NELL1: variants seen among roughly 807,000 people sequenced by gnomAD.
The protein encoded by NELL1 is protein kinase C-binding protein NELL1.
NELL1 carries 76 observed loss-of-function variants against 107.4 expected under a neutral mutation model. That is an observed-to-expected ratio of 0.71 (90% CI 0.59 to 0.86). NELL1 has a LOEUF of 0.86. NELL1 is among the 40% of genes least tolerant of loss of function. The probability of loss-of-function intolerance (pLI) is 0.00; values close to 1 mark genes in which losing one functional copy is unlikely to be tolerated. For synonymous variants in NELL1, 353 were observed against 341.2 expected, an observed-to-expected ratio of 1.03 and a Z score of -0.38; for missense variants, 1,024 against 1,005.5, an observed-to-expected ratio of 1.02 and a Z score of -0.25.
intron 5 of NELL1, among the ~76,000 whole-genome samples, chr11:20,894,870 A>G (rs1329075089): frequency 2.0e-5 from 3 of 152,202 alleles, no homozygotes; most frequent in Admixed American, 6.5e-5. Flanking sequence ...ATGTTGTTAT[A>G]TGTATATAAC....
intron 4 of NELL1, among the ~76,000 whole-genome samples, chr11:20,854,404 C>T (rs189458360): frequency 6.6e-6 from 1 of 152,276 alleles, no homozygotes; most frequent in Non-Finnish European, 1.5e-5. Flanking sequence ...TTGCATTCCC[C>T]TCCCCCTTTA....
At chr11:20,761,063 G>C (rs1856409226) in intron 2 of NELL1, among the ~76,000 whole-genome samples, 1 of 152,190 alleles carries the variant, frequency 6.6e-6, no homozygotes, top group Non-Finnish European at 1.5e-5. Flanking sequence ...GACTCATCTT[G>C]CTGTCCAAAC....
chr11:21,561,778 A>G (rs1403961697), intron 17 of NELL1, among the ~76,000 whole-genome samples: 1 of 152,046 alleles, frequency 6.6e-6, no homozygotes, highest in Non-Finnish European at 1.5e-5. Flanking sequence ...ACTTCCTTGT[A>G]TGTAAGTGAC....
At chr11:21,153,225 A>G (rs1856157477) in intron 13 of NELL1, among the ~76,000 whole-genome samples, 1 of 152,144 alleles carries the variant, frequency 6.6e-6, no homozygotes, top group African/African-American at 2.4e-5. Context: ...CAGATGGACC[A>G]TTCATTAAGC....
At chr11:21,131,330 T>C (rs1431925442) in intron 13 of NELL1, among the ~76,000 whole-genome samples, 1 of 152,206 alleles carries the variant, frequency 6.6e-6, no homozygotes, top group Non-Finnish European at 1.5e-5. Flanking sequence ...ATCATTTGTG[T>C]CAGCATTCAC....
intron 12 of NELL1, among the ~76,000 whole-genome samples, chr11:21,007,664 A>G (rs1250065101): frequency 6.6e-6 from 1 of 151,940 alleles, no homozygotes; most frequent in Non-Finnish European, 1.5e-5. Context: ...TTTGTGTAGG[A>G]GGGACACCTG....
At chr11:20,956,076 C>T (rs975150202) in intron 11 of NELL1, among the ~76,000 whole-genome samples, 4 of 151,768 alleles carry the variant, frequency 2.6e-5, no homozygotes, top group African/African-American at 7.3e-5. Context: ...AAAATTAGCC[C>T]GGCATGGTGG....
Position 21,285,375 on chromosome 11 carries a change from C to T in NELL1, c.1549+55921C>T, listed in dbSNP as rs1849093753. Among the ~76,000 whole-genome samples, 3 of 152,182 alleles carry T rather than the reference C, an allele frequency of 2.0e-5. No individual in the cohort carries two copies. In the South Asian group the frequency reaches 6.2e-4, roughly 32 times the overall value. On this transcript the variant is annotated intron_variant, in intron 14 of 19. Transcript: ENST00000357134. ...ACCAGCCTGCAGAGAAGCCTGGCTT[C>T]TCTCTAGAGGTCGTTAATGAGTTAA...
intron 12 of NELL1, among the ~76,000 whole-genome samples, chr11:20,978,642 A>G (rs1337782348): frequency 2.6e-5 from 4 of 152,154 alleles, no homozygotes; most frequent in Non-Finnish European, 5.9e-5. Context: ...TGCTTCCACA[A>G]TCCCCTTCCA....
At chr11:21,087,683 G>C (rs1181161843) in intron 12 of NELL1, among the ~76,000 whole-genome samples, 1 of 152,124 alleles carries the variant, frequency 6.6e-6, no homozygotes, top group Non-Finnish European at 1.5e-5. Flanking sequence ...TTGAGTCCAG[G>C]CGAATTGTTT....
At chr11:20,760,004 G>T (rs1420126783) in intron 2 of NELL1, among the ~76,000 whole-genome samples, 1 of 152,182 alleles carries the variant, frequency 6.6e-6, no homozygotes, top group Non-Finnish European at 1.5e-5. Context: ...GCCTGGGGAG[G>T]AGAGAGAGAT....
In NELL1 at chr11:21,170,849, G is replaced by T. The variant is rs539209807; in HGVS notation, c.1426+57135G>T. On this transcript the variant is annotated intron_variant, in intron 13 of 19. Transcript: ENST00000357134. Reference sequence around the variant, plus strand: ...TTCTTGGCTTGCTATAATCCTTCTTGATTTATGTTCTATTAACTTACCCTT... The same window carrying T: ...TTCTTGGCTTGCTATAATCCTTCTTTATTTATGTTCTATTAACTTACCCTT... 1.1e-3 allele frequency among the ~76,000 whole-genome samples: 173 copies of T among 151,394 alleles called. 1 individual carries two copies. Among genetic ancestry groups the T allele is most frequent in the Middle Eastern group, 6.8e-3 (2 of 294 alleles).
intron 14 of NELL1, among the ~76,000 whole-genome samples, chr11:21,364,714 C>G (rs1437598409): frequency 6.6e-6 from 1 of 152,092 alleles, no homozygotes; most frequent in Non-Finnish European, 1.5e-5. Context: ...TAGTCTTAAA[C>G]TGACTAACTC....
Position 20,862,812 on chromosome 11 carries a change from G to C in NELL1, c.506+15059G>C, listed in dbSNP as rs567742224. ...TTAGGGAGTGGCGATGACTCTCAAC[G>C]AGCATGCTGCCTTCAAGCATCTGTT... On this transcript the variant is annotated intron_variant, in intron 4 of 19. Transcript: ENST00000357134. 3.9e-5 allele frequency among the ~76,000 whole-genome samples: 6 copies of C among 152,062 alleles called. No homozygotes were observed. In the East Asian group the frequency reaches 7.8e-4, roughly 20 times the overall value.
chr11:21,151,590 A>G (rs558601222), intron 13 of NELL1, among the ~76,000 whole-genome samples: 1 of 152,284 alleles, frequency 6.6e-6, no homozygotes, highest in Admixed American at 6.5e-5. Flanking sequence ...CCACATCTGA[A>G]ATTTGGAATG....
At chr11:21,412,948 T>G (rs1459460603) in intron 15 of NELL1, among the ~76,000 whole-genome samples, 1 of 152,068 alleles carries the variant, frequency 6.6e-6, no homozygotes, top group Non-Finnish European at 1.5e-5. Flanking sequence ...AGTTCTGCAG[T>G]CATCCTGGGA....
chr11:21,078,088 G>T (rs533514269), intron 12 of NELL1, among the ~76,000 whole-genome samples: 3 of 151,646 alleles, frequency 2.0e-5, no homozygotes, highest in African/African-American at 4.8e-5. Context: ...TTTTTTCAAG[G>T]ATACAAAATT....
At chr11:20,756,291 T>C (rs1479697286) in intron 2 of NELL1, among the ~76,000 whole-genome samples, 1 of 152,128 alleles carries the variant, frequency 6.6e-6, no homozygotes, top group Non-Finnish European at 1.5e-5. Context: ...GAGATGATAG[T>C]TGCACTAGAG....
intron 15 of NELL1, among the ~76,000 whole-genome samples, chr11:21,461,356 T>A (rs1407246565): frequency 6.6e-6 from 1 of 152,100 alleles, no homozygotes. Context: ...ATAAGAAAGG[T>A]TCTGAGCAGT....
Sources: allele counts gnomAD v4.1 joint callset (sites outside exome capture counted in the v4.1 genomes callset), GRCh38; gene constraint gnomAD v4.1.1; transcripts MANE v1.5; gene names NCBI Gene and HGNC (gene_info 2026-07-23, HGNC 2026-07-21).